PTPRD: variants seen among roughly 807,000 people sequenced by gnomAD.
The protein encoded by PTPRD is receptor-type tyrosine-protein phosphatase delta.
PTPRD carries 34 observed loss-of-function variants against 214.5 expected under a neutral mutation model. The observed-to-expected ratio is 0.16, with a 90% CI of 0.12 to 0.21. The LOEUF is 0.21. Among genes scored for constraint, PTPRD ranks in the 10% least tolerant of loss-of-function variants. The pLI, the probability that PTPRD is intolerant of heterozygous loss-of-function variation, is 1.00. For synonymous variants in PTPRD, 1,128 were observed against 845.7 expected (o/e 1.33, Z -5.79); for missense variants, 2,545 against 2,398.7 (o/e 1.06, Z -1.27).
At chr9:10,588,427 T>TATACACACACAC (rs1555573786) in intron 2 of PTPRD, among the ~76,000 whole-genome samples, 2 of 146,610 alleles carry the variant, frequency 1.4e-5, no homozygotes, top group African/African-American at 5.0e-5. Flanking sequence ...TGGCTTATTG[T>TATACACACACAC]ACACACACAC....
At chr9:9,054,835 A>G (rs2099693299) in intron 10 of PTPRD, among the ~76,000 whole-genome samples, 1 of 152,150 alleles carries the variant, frequency 6.6e-6, no homozygotes, top group African/African-American at 2.4e-5. Flanking sequence ...AATGATTTCA[A>G]AATACTGTTT....
chr9:9,196,528 G>C (rs943715068), intron 9 of PTPRD, among the ~76,000 whole-genome samples: 2 of 152,092 alleles, frequency 1.3e-5, no homozygotes, highest in Non-Finnish European at 2.9e-5. Context: ...GACAGGTCTA[G>C]GATTCTAATC....
At chr9:9,609,820 C>G (rs186063836) in intron 7 of PTPRD, among the ~76,000 whole-genome samples, 1 of 152,230 alleles carries the variant, frequency 6.6e-6, no homozygotes. Flanking sequence ...TCCTGTTAGG[C>G]TGGTGGGTTG....
chr9:10,477,888 C>A (rs1245041625), intron 2 of PTPRD, among the ~76,000 whole-genome samples: 1 of 151,744 alleles, frequency 6.6e-6, no homozygotes, highest in Non-Finnish European at 1.5e-5. Flanking sequence ...GAACAGAAAA[C>A]CAAACACTGC....
chr9:8,517,816 C>T (rs1189755207), intron 21 of PTPRD, 32 bp downstream of exon 21: 3 of 1,573,744 alleles, frequency 1.9e-6, no homozygotes, highest in African/African-American at 1.3e-5. Context: ...GCCCTTCCCT[C>T]CTGCCCTATT....
At chr9:9,329,895 C>T (rs1014000414) in intron 9 of PTPRD, among the ~76,000 whole-genome samples, 6 of 152,188 alleles carry the variant, frequency 3.9e-5, no homozygotes, top group African/African-American at 9.6e-5. Flanking sequence ...AATTCCCTCA[C>T]TGAGAAATTC....
At position 10,502,371 on chromosome 9, in the gene PTPRD, G is replaced by C. The variant is rs143065113; in HGVS notation, c.-600+110027C>G. 6.7e-3 allele frequency among the ~76,000 whole-genome samples: 1,024 copies of C among 151,748 alleles called. 9 individuals carry two copies. The highest frequency in any genetic ancestry group is 0.024 in the African/African-American group (985 of 41,454). ...AGCAGTATACATGAGTTATGAAGGA[G>C]AGACTTTACAGAGAACCCAAGAATC... On this transcript the variant is annotated intron_variant, in intron 2 of 45. Transcript: ENST00000381196.
At chr9:8,821,883 T>C (rs1836231) in intron 11 of PTPRD, among the ~76,000 whole-genome samples, 77,759 of 151,994 alleles carry the variant, frequency 0.51, 20,366 homozygotes, top group African/African-American at 0.61. Context: ...CAGGCTGGTA[T>C]CGAACTCCTG....
At chr9:8,385,869 TG>T (rs769560013) in intron 37 of PTPRD, among the ~76,000 whole-genome samples, 12 of 152,108 alleles carry the variant, frequency 7.9e-5, no homozygotes, top group Non-Finnish European at 1.8e-4. Context: ...ATAAAATGCA[TG>T]GGTGTGCCAC....
At chr9:10,289,774 G>C (rs1418407894) in intron 3 of PTPRD, among the ~76,000 whole-genome samples, 1 of 152,142 alleles carries the variant, frequency 6.6e-6, no homozygotes, top group African/African-American at 2.4e-5. Flanking sequence ...TTATGCATAT[G>C]AGGTTTAAAA....
At chr9:10,219,624 G>A (rs549283195) in intron 3 of PTPRD, among the ~76,000 whole-genome samples, 6 of 151,448 alleles carry the variant, frequency 4.0e-5, no homozygotes, top group South Asian at 4.2e-4. Flanking sequence ...AATTGGTTCC[G>A]GATTTCCTAT....
intron 31 of PTPRD, 149 bp downstream of exon 31, chr9:8,470,846 A>G (rs994837857): frequency 4.6e-6 from 3 of 651,798 alleles, no homozygotes; most frequent in Non-Finnish European, 8.2e-6. Flanking sequence ...CCCAGGGGTT[A>G]GCATGCCCAT....
At chr9:9,764,626 ATG>A (rs2098691378) in intron 6 of PTPRD, among the ~76,000 whole-genome samples, 1 of 152,190 alleles carries the variant, frequency 6.6e-6, no homozygotes, top group African/African-American at 2.4e-5. Context: ...TATTTATTAT[ATG>A]TTTATTACAT....
At chr9:9,064,137 C>G (rs988735823) in intron 10 of PTPRD, among the ~76,000 whole-genome samples, 3 of 152,030 alleles carry the variant, frequency 2.0e-5, no homozygotes, top group African/African-American at 7.2e-5. Flanking sequence ...ATTTATATAA[C>G]TGAGCTTTAC....
At chr9:9,469,733 G>T (rs992701689) in intron 8 of PTPRD, among the ~76,000 whole-genome samples, 1 of 152,092 alleles carries the variant, frequency 6.6e-6, no homozygotes, top group African/African-American at 2.4e-5. Context: ...TTTTTAAAAT[G>T]CCTGAATCTC....
intron 34 of PTPRD, among the ~76,000 whole-genome samples, chr9:8,448,652 T>C (rs1010032628): frequency 2.0e-5 from 3 of 152,218 alleles, no homozygotes; most frequent in Admixed American, 6.5e-5. Context: ...GATGCTTGTA[T>C]AGCCACACTG....
intron 10 of PTPRD, among the ~76,000 whole-genome samples, chr9:9,108,039 T>C (rs1359722845): frequency 6.6e-6 from 1 of 152,170 alleles, no homozygotes; most frequent in Non-Finnish European, 1.5e-5. Context: ...TTCTTCCTCA[T>C]GTCTTTGAAA....
intron 6 of PTPRD, among the ~76,000 whole-genome samples, chr9:9,752,459 A>G (rs772553726): frequency 6.6e-6 from 1 of 152,058 alleles, no homozygotes; most frequent in Non-Finnish European, 1.5e-5. Flanking sequence ...TACAGTGGAA[A>G]AGCTGACACT....
chr9:10,364,005 T>TTTTTTTG (rs2097456951), intron 2 of PTPRD, among the ~76,000 whole-genome samples: 1 of 131,654 alleles, frequency 7.6e-6, no homozygotes, highest in African/African-American at 3.0e-5. Context: ...TTTTTTTTTT[T>TTTTTTTG]TTTTTTTTTT....
Sources: allele counts gnomAD v4.1 joint callset (sites outside exome capture counted in the v4.1 genomes callset), GRCh38; gene constraint gnomAD v4.1.1; transcripts MANE v1.5; gene names NCBI Gene and HGNC (gene_info 2026-07-23, HGNC 2026-07-21).